SYNPR: variants seen among roughly 807,000 people sequenced by gnomAD.
SYNPR encodes the protein synaptoporin.
A neutral mutation model predicts 32.9 loss-of-function variants in SYNPR; 23 were observed. The ratio of observed to expected loss-of-function variants is 0.70; its 90% CI spans 0.50 to 0.99. The LOEUF (loss-of-function observed/expected upper bound fraction) is 0.99. SYNPR is among the 50% of genes least tolerant of loss of function. SYNPR has a pLI of 0.00. For synonymous variants in SYNPR, 146 were observed against 135.9 expected (o/e 1.07, Z -0.52); for missense variants, 318 against 349.3 (o/e 0.91, Z 0.71).
At chr3:63,298,112 C>T (rs761125604) in intron 2 of SYNPR, among the ~76,000 whole-genome samples, 3 of 152,032 alleles carry the variant, frequency 2.0e-5, no homozygotes, top group South Asian at 2.1e-4. Flanking sequence ...AATCTTGTGG[C>T]CTATCATTAG....
intron 2 of SYNPR, among the ~76,000 whole-genome samples, chr3:63,464,671 A>G (rs1700646333): frequency 6.6e-6 from 1 of 152,166 alleles, no homozygotes; most frequent in Non-Finnish European, 1.5e-5. Context: ...TACTACTTGC[A>G]AGGCACTTCC....
intron 2 of SYNPR, among the ~76,000 whole-genome samples, chr3:63,260,773 A>C (rs1446232193): frequency 1.3e-5 from 2 of 151,974 alleles, no homozygotes; most frequent in Non-Finnish European, 2.9e-5. Flanking sequence ...CTACCATCAG[A>C]GTGAACAGGC....
At chr3:63,410,725 A>C (rs1282549161) in intron 2 of SYNPR, among the ~76,000 whole-genome samples, 1 of 152,150 alleles carries the variant, frequency 6.6e-6, no homozygotes, top group Non-Finnish European at 1.5e-5. Context: ...ATCCTCCACC[A>C]ATCAGGTTCA....
intron 2 of SYNPR, among the ~76,000 whole-genome samples, chr3:63,475,097 G>A (rs1048418275): frequency 1.3e-5 from 2 of 152,142 alleles, no homozygotes; most frequent in African/African-American, 4.8e-5. Flanking sequence ...TTACTGCTAT[G>A]GGTGATTTTG....
chr3:63,286,626 T>G (rs779759981), intron 2 of SYNPR, among the ~76,000 whole-genome samples: 1 of 152,202 alleles, frequency 6.6e-6, no homozygotes, highest in East Asian at 1.9e-4. Flanking sequence ...AGAAGAAAAG[T>G]AGAAAATCTC....
intron 3 of SYNPR, 55 bp downstream of exon 3, chr3:63,481,011 T>A: frequency 6.4e-7 from 1 of 1,570,848 alleles, no homozygotes; most frequent in Non-Finnish European, 8.7e-7. Context: ...TTCTTTCTTC[T>A]GTGCTTTGTC....
intron 2 of SYNPR, among the ~76,000 whole-genome samples, chr3:63,354,895 G>A (rs898170482): frequency 1.3e-5 from 2 of 152,152 alleles, no homozygotes; most frequent in Admixed American, 1.3e-4. Flanking sequence ...TATCTAATTT[G>A]ATCTTTGTAG....
At chr3:63,437,960 G>A (rs1301098344) in intron 2 of SYNPR, among the ~76,000 whole-genome samples, 1 of 152,152 alleles carries the variant, frequency 6.6e-6, no homozygotes, top group African/African-American at 2.4e-5. Flanking sequence ...GACTCTAGAG[G>A]GACAAACAAA....
intron 1 of SYNPR, among the ~76,000 whole-genome samples, chr3:63,249,563 G>C (rs1402483691): frequency 6.6e-6 from 1 of 152,004 alleles, no homozygotes; most frequent in Non-Finnish European, 1.5e-5. Context: ...GAGTGGGAGG[G>C]GGCGAGGGAT....
chr3:63,263,552 C>T (rs1046277244), intron 2 of SYNPR, among the ~76,000 whole-genome samples: 2 of 152,214 alleles, frequency 1.3e-5, no homozygotes, highest in African/African-American at 4.8e-5. Flanking sequence ...ACAGAGGAGG[C>T]TCACGTCTGT....
chr3:63,304,449 T>C (rs1247328212), intron 2 of SYNPR, among the ~76,000 whole-genome samples: 1 of 151,930 alleles, frequency 6.6e-6, no homozygotes, highest in Non-Finnish European at 1.5e-5. Flanking sequence ...TGAATTGCTA[T>C]GAGCAAAAGA....
chr3:63,425,152 G>T (rs981300133), intron 2 of SYNPR, among the ~76,000 whole-genome samples: 3 of 152,084 alleles, frequency 2.0e-5, no homozygotes, highest in Non-Finnish European at 4.4e-5. Context: ...AAATGCTCAC[G>T]ATATAAACAT....
intron 4 of SYNPR, among the ~76,000 whole-genome samples, chr3:63,581,575 C>T (rs545192077): frequency 6.6e-6 from 1 of 152,232 alleles, no homozygotes; most frequent in African/African-American, 2.4e-5. Flanking sequence ...AGCATAAGCA[C>T]GAGTATGCGT....
intron 1 of SYNPR, among the ~76,000 whole-genome samples, chr3:63,247,712 C>T (rs909189801): frequency 6.6e-6 from 1 of 152,100 alleles, no homozygotes; most frequent in African/African-American, 2.4e-5. Flanking sequence ...CCTTCTTTCC[C>T]AAACCTCATT....
chr3:63,475,503 G>T (rs1266071079), intron 2 of SYNPR, among the ~76,000 whole-genome samples: 3 of 152,158 alleles, frequency 2.0e-5, no homozygotes, highest in Admixed American at 2.0e-4. Flanking sequence ...CACCTTCAAT[G>T]TCTGGTAAGG....
rs554137932 is a variant in SYNPR, at chr3:63,526,712, T to C, written c.210-29831T>C. ...GGGTGCATAGATGTGACATCACTCA[T>C]GGGAATGATAAGTAAATGACTGACA... On this transcript the variant is annotated intron_variant, in intron 3 of 5. Coordinates refer to ENST00000478300, the MANE Select transcript of SYNPR (RefSeq NM_001130003.2). Among the ~76,000 whole-genome samples, 28 of 152,274 alleles carry C rather than the reference T, an allele frequency of 1.8e-4. No individual in the cohort carries two copies. The South Asian group carries it at 5.6e-3, about 30-fold the overall frequency.
At chr3:63,321,955 A>G (rs1383145343) in intron 2 of SYNPR, among the ~76,000 whole-genome samples, 1 of 152,046 alleles carries the variant, frequency 6.6e-6, no homozygotes, top group Non-Finnish European at 1.5e-5. Context: ...CAGCTCTTAC[A>G]AGTTTGAAAT....
Position 63,380,344 on chromosome 3 carries a change from C to T in SYNPR, c.85-100488C>T, listed in dbSNP as rs934315347. On this transcript the variant is annotated intron_variant, in intron 2 of 5. Transcript: ENST00000478300. ...TCCTATTTCTCCACATCCTCTCCAG[C>T]ACCTGTTGTTTCCTGACTTTTTAGT... 3.9e-5 allele frequency among the ~76,000 whole-genome samples: 6 copies of T among 152,286 alleles called. No homozygotes were observed. In the Middle Eastern group the frequency reaches 0.01, roughly 261 times the overall value.
intron 2 of SYNPR, among the ~76,000 whole-genome samples, chr3:63,474,018 A>G (rs1700853262): frequency 6.6e-6 from 1 of 152,188 alleles, no homozygotes; most frequent in Non-Finnish European, 1.5e-5. Context: ...TTGGGGAGCA[A>G]TGATGGGAAG....
Sources: allele counts gnomAD v4.1 joint callset (sites outside exome capture counted in the v4.1 genomes callset), GRCh38; gene constraint gnomAD v4.1.1; transcripts MANE v1.5; gene names NCBI Gene and HGNC (gene_info 2026-07-23, HGNC 2026-07-21).